Variants in MYO9A observed in about 807,000 individuals in gnomAD.
MYO9A encodes the protein myosin IXA.
A neutral mutation model predicts 293.3 loss-of-function variants in MYO9A; 103 were observed. The observed-to-expected ratio is 0.35, with a 90% CI of 0.30 to 0.41. MYO9A has a LOEUF of 0.41. Ranked by LOEUF, MYO9A falls within the 10% of genes least tolerant of loss-of-function variation. The pLI, the probability that MYO9A is intolerant of heterozygous loss-of-function variation, is 1.00. For missense variants in MYO9A, 2,685 were observed against 3,033.0 expected, an observed-to-expected ratio of 0.89 and a Z score of 2.69; for synonymous variants, 1,001 against 1,035.7, an observed-to-expected ratio of 0.97 and a Z score of 0.64.
At chr15:71,884,279 T>C (rs1290035849) in intron 27 of MYO9A, among the ~76,000 whole-genome samples, 2 of 152,202 alleles carry the variant, frequency 1.3e-5, no homozygotes, top group African/African-American at 2.4e-5. Context: ...ATGATGCACA[T>C]AGCATTTTAA....
intron 1 of MYO9A, among the ~76,000 whole-genome samples, chr15:72,054,916 T>C (rs1329301211): frequency 6.6e-6 from 1 of 151,310 alleles, no homozygotes; most frequent in Middle Eastern, 3.2e-3. Context: ...AAAGGACACT[T>C]TTACTGAAAG....
intron 12 of MYO9A, among the ~76,000 whole-genome samples, chr15:71,975,264 T>C (rs2076108257): frequency 6.6e-6 from 1 of 151,834 alleles, no homozygotes; most frequent in African/African-American, 2.4e-5. Context: ...AAAGGATCCA[T>C]GTTTGAAAGC....
intron 1 of MYO9A, among the ~76,000 whole-genome samples, chr15:72,054,866 A>C (rs189311106): frequency 2.0e-4 from 31 of 151,990 alleles, no homozygotes; most frequent in Admixed American, 2.0e-3. Flanking sequence ...AAATGAGATT[A>C]AGGTCAAAGG....
At chr15:71,855,769 C>T (rs2415125) in intron 34 of MYO9A, among the ~76,000 whole-genome samples, 11,155 of 152,136 alleles carry the variant, frequency 0.073, 732 homozygotes, top group East Asian at 0.18. Context: ...ACTTTCTTGG[C>T]GAGTTTTCCC....
chr15:71,964,761 G>T (rs897344741), intron 13 of MYO9A, among the ~76,000 whole-genome samples: 64 of 151,518 alleles, frequency 4.2e-4, no homozygotes, highest in Admixed American at 2.8e-3. Flanking sequence ...CATTCCAGCC[G>T]GGTGACAGAG....
chr15:71,872,475 C>T (rs1265305528), intron 32 of MYO9A, among the ~76,000 whole-genome samples: 2 of 152,104 alleles, frequency 1.3e-5, no homozygotes, highest in Non-Finnish European at 2.9e-5. Flanking sequence ...AGAGGACTTG[C>T]TATGTTCCCA....
rs2054314656 is a variant in MYO9A at position 71,822,493 on chromosome 15, T to C, written c.*4087A>G. On this transcript the variant is annotated 3_prime_UTR_variant, in exon 42 of 42. Coordinates refer to ENST00000356056, the MANE Select transcript of MYO9A (RefSeq NM_006901.4). ...CCTATTGATTGCATCCGGAATGTAA[T>C]CAGTTCCGTGGGTGAGATAAATCAT... 6.6e-6 allele frequency: 1 copy of C among 152,154 alleles called. No individual in the cohort carries two copies. Among genetic ancestry groups the C allele is most frequent in the Admixed American group, 6.5e-5 (1 of 15,280 alleles). 9.4% of individuals were successfully genotyped at this position (152,154 alleles called of 1,614,324 possible).
chr15:71,849,616 CA>C, intron 38 of MYO9A, among the ~76,000 whole-genome samples: 1 of 150,100 alleles, frequency 6.7e-6, no homozygotes, highest in East Asian at 2.0e-4. Flanking sequence ...TTGAGGAGAG[CA>C]AAAGAAAACC....
intron 6 of MYO9A, among the ~76,000 whole-genome samples, chr15:72,014,962 G>A (rs2077287919): frequency 6.6e-6 from 1 of 151,130 alleles, no homozygotes; most frequent in Non-Finnish European, 1.5e-5. Flanking sequence ...TCTCACCTCA[G>A]CCTCCTGAGT....
chr15:71,830,273 T>C lies in MYO9A; in HGVS notation c.6876A>G (p.Pro2292=). The change falls in exon 40 of 42, where the codon CCA becomes CCG. Residue 2292 remains proline (P), a synonymous_variant. Transcript: ENST00000356056. ...GRIRRGNYPG[P]SSPVVVRLPS... is the part of the protein sequence containing the mutation. Reference sequence around the variant, plus strand: ...GCAACCGAACTACAACAGGAGACGATGGACCTGGATAGTTTCCTCGACGAA... The same window carrying C: ...GCAACCGAACTACAACAGGAGACGACGGACCTGGATAGTTTCCTCGACGAA... The C allele has an allele frequency of 6.2e-7, 1 of 1,613,904 alleles. No homozygotes were observed. Among genetic ancestry groups the C allele is most frequent in the Non-Finnish European group, 8.5e-7 (1 of 1,179,940 alleles).
intron 12 of MYO9A, among the ~76,000 whole-genome samples, chr15:71,977,331 G>T (rs1176958888): frequency 6.6e-6 from 1 of 152,088 alleles, no homozygotes; most frequent in African/African-American, 2.4e-5. Flanking sequence ...CTGCCTCCTG[G>T]GTTCAAGCGG....
At chr15:72,110,054 G>A (rs553950225) in intron 1 of MYO9A, among the ~76,000 whole-genome samples, 1 of 151,658 alleles carries the variant, frequency 6.6e-6, no homozygotes, top group Admixed American at 6.6e-5. Flanking sequence ...AGCTACTCAG[G>A]AGGTTGAAGT....
intron 32 of MYO9A, among the ~76,000 whole-genome samples, chr15:71,869,570 A>T (rs148061112): frequency 2.6e-5 from 4 of 152,330 alleles, no homozygotes; most frequent in African/African-American, 9.6e-5. Flanking sequence ...GAATGGTGGA[A>T]TCTAAATAAA....
At chr15:71,840,251 A>G (rs2055097757) in intron 39 of MYO9A, among the ~76,000 whole-genome samples, 1 of 152,238 alleles carries the variant, frequency 6.6e-6, no homozygotes, top group African/African-American at 2.4e-5. Context: ...TAAAACTTCT[A>G]AGGCAGAATA....
At chr15:71,851,170 C>T (rs2141324958) in intron 37 of MYO9A, 83 bp downstream of exon 37, 1 of 1,086,926 alleles carries the variant, frequency 9.2e-7, no homozygotes, top group Non-Finnish European at 1.3e-6. Context: ...ACCTGTCAGT[C>T]TTCCAAATGG....
chr15:72,030,132 A>C (rs977062019), intron 3 of MYO9A, among the ~76,000 whole-genome samples: 8 of 152,146 alleles, frequency 5.3e-5, no homozygotes, highest in Non-Finnish European at 1.0e-4. Context: ...CCAATAATTA[A>C]AATTTATTTC....
At chr15:71,869,401 T>C (rs931604635) in intron 32 of MYO9A, among the ~76,000 whole-genome samples, 18 of 152,102 alleles carry the variant, frequency 1.2e-4, no homozygotes, top group Admixed American at 9.8e-4. Context: ...CAAACTCAAA[T>C]GGAAAAACAT....
rs916122322 is a variant in MYO9A, at chr15:72,027,652, T to C, written c.998+79A>G. The C allele has an allele frequency of 1.9e-5, 21 of 1,085,300 alleles. No homozygotes were observed. The Admixed American group carries it at 4.5e-4, about 24-fold the overall frequency. 67.2% of individuals were successfully genotyped at this position (1,085,300 alleles called of 1,614,324 possible). On this transcript the variant is annotated intron_variant, in intron 4 of 41. Coordinates refer to ENST00000356056, the MANE Select transcript of MYO9A (RefSeq NM_006901.4). ...ATGACGTAAACTGAATTAAGGGTCA[T>C]AATACACAAAGACCTTAAAAGTCAG...
chr15:72,104,953 C>A (rs2080515726), intron 1 of MYO9A, among the ~76,000 whole-genome samples: 1 of 152,096 alleles, frequency 6.6e-6, no homozygotes, highest in Non-Finnish European at 1.5e-5. Context: ...TGAAAACATT[C>A]AAGACATGGG....
Sources: allele counts gnomAD v4.1 joint callset (sites outside exome capture counted in the v4.1 genomes callset), GRCh38; gene constraint gnomAD v4.1.1; transcripts MANE v1.5; gene names NCBI Gene and HGNC (gene_info 2026-07-23, HGNC 2026-07-21).